GPR39: variants seen among roughly 807,000 people sequenced by gnomAD.
GPR39 encodes the protein G protein-coupled receptor 39, also known as zinc sensing receptor.
Under a neutral mutation model 18.4 loss-of-function variants are expected in GPR39, and 23 were observed. That is an observed-to-expected ratio of 1.25 (90% CI 0.90 to 1.77). The LOEUF (loss-of-function observed/expected upper bound fraction) is 1.77, where lower values mean the gene tolerates loss of function less well. Ranked by LOEUF, GPR39 falls within the 40% of genes most tolerant of loss-of-function variation. The pLI is 0.00. For missense variants in GPR39, 647 were observed against 602.4 expected (o/e 1.07, Z -0.78); for synonymous variants, 280 against 257.9 (o/e 1.09, Z -0.82).
chr2:132,626,763 C>T (rs1480844760), intron 1 of GPR39, among the ~76,000 whole-genome samples: 2 of 152,056 alleles, frequency 1.3e-5, no homozygotes, highest in African/African-American at 4.8e-5. Flanking sequence ...ACAACCTCCC[C>T]GCAGGCCACT....
At chr2:132,619,848 CACACACACAGACACACACACA>C (rs1681404523) in intron 1 of GPR39, among the ~76,000 whole-genome samples, 1 of 141,248 alleles carries the variant, frequency 7.1e-6, no homozygotes, top group African/African-American at 3.0e-5. Flanking sequence ...CACACACACA[CACACACACAGACACACACACA>C]CTCTCCACAC....
At chr2:132,522,628 G>A (rs1440697664) in intron 1 of GPR39, among the ~76,000 whole-genome samples, 1 of 152,176 alleles carries the variant, frequency 6.6e-6, no homozygotes, top group Non-Finnish European at 1.5e-5. Flanking sequence ...CCCAATATGG[G>A]GGACAGCAAG....
At chr2:132,591,623 G>C (rs995721832) in intron 1 of GPR39, among the ~76,000 whole-genome samples, 1 of 152,114 alleles carries the variant, frequency 6.6e-6, no homozygotes, top group South Asian at 2.1e-4. Context: ...TGTCCCTCTA[G>C]AGAACACTGA....
At chr2:132,604,308 G>A (rs1681096760) in intron 1 of GPR39, 1 of 152,144 alleles carries the variant, frequency 6.6e-6, no homozygotes, top group South Asian at 2.1e-4. Flanking sequence ...AAAAAGAAAG[G>A]CAAGTTCTTT....
chr2:132,598,503 T>C (rs1173107771), intron 1 of GPR39, among the ~76,000 whole-genome samples: 1 of 148,678 alleles, frequency 6.7e-6, no homozygotes, highest in Admixed American at 6.9e-5. Flanking sequence ...CCAATTCTAA[T>C]GCTACTCAGG....
rs966737287 is a variant in GPR39, at chr2:132,604,081, C to T, written c.857-41020C>T. Among the ~76,000 whole-genome samples, 3 of 152,294 alleles carry T rather than the reference C, an allele frequency of 2.0e-5. No individual in the cohort carries two copies. The East Asian group carries it at 5.8e-4, about 29-fold the overall frequency. On this transcript the variant is annotated intron_variant, in intron 1 of 1. Coordinates refer to ENST00000329321, the MANE Select transcript of GPR39 (RefSeq NM_001508.3). The stretch of plus-strand genomic sequence containing the variant: ...CCAAGATCCTTTTCCTTAACCGAGA[C>T]ATGCTTGCCCTACTGTGAGTCCCAG...
intron 1 of GPR39, among the ~76,000 whole-genome samples, chr2:132,621,793 C>T (rs1466234296): frequency 1.3e-5 from 2 of 152,140 alleles, no homozygotes; most frequent in Non-Finnish European, 2.9e-5. Flanking sequence ...TATTGCAGGG[C>T]GTGAATTTAT....
At chr2:132,457,317 T>A (rs961019479) in intron 1 of GPR39, among the ~76,000 whole-genome samples, 1 of 152,234 alleles carries the variant, frequency 6.6e-6, no homozygotes, top group Admixed American at 6.5e-5. Flanking sequence ...CGTGCTATGA[T>A]TTTCAGCTCC....
intron 1 of GPR39, among the ~76,000 whole-genome samples, chr2:132,510,113 G>A (rs745705843): frequency 3.9e-5 from 6 of 152,184 alleles, no homozygotes; most frequent in Non-Finnish European, 8.8e-5. Context: ...TGAGATGGTT[G>A]GTCATAACAT....
chr2:132,512,127 A>G (rs10168514), intron 1 of GPR39, among the ~76,000 whole-genome samples: 68,211 of 151,964 alleles, frequency 0.45, 16,039 homozygotes, highest in Non-Finnish European at 0.5. Flanking sequence ...TCTAGGGCTA[A>G]GAGTATAACT....
intron 1 of GPR39, among the ~76,000 whole-genome samples, chr2:132,574,141 C>T (rs572161918): frequency 1.3e-5 from 2 of 152,302 alleles, no homozygotes; most frequent in South Asian, 4.1e-4. Flanking sequence ...ATTTCTCACT[C>T]TTTGGTCATT....
chr2:132,640,376 T>C (rs1681838234), intron 1 of GPR39, among the ~76,000 whole-genome samples: 1 of 152,224 alleles, frequency 6.6e-6, no homozygotes. Flanking sequence ...CATCATCTAA[T>C]GGCTCTTGTC....
chr2:132,537,356 G>A (rs1213394559), intron 1 of GPR39, among the ~76,000 whole-genome samples: 8 of 152,096 alleles, frequency 5.3e-5, no homozygotes, highest in Non-Finnish European at 1.2e-4. Context: ...TGAAATTCTG[G>A]GTTGAAAATT....
At chr2:132,492,814 TACCATATATATACCATATACAC>T (rs1482982008) in intron 1 of GPR39, among the ~76,000 whole-genome samples, 17 of 140,662 alleles carry the variant, frequency 1.2e-4, no homozygotes, top group South Asian at 4.6e-4. Context: ...TATATATACA[TACCATATATATACCATATACAC>T]ACCATATATA....
chr2:132,485,725 T>C (rs1325979812), intron 1 of GPR39, among the ~76,000 whole-genome samples: 1 of 152,188 alleles, frequency 6.6e-6, no homozygotes, highest in Non-Finnish European at 1.5e-5. Flanking sequence ...CACTTCTAAT[T>C]CTAGTTCCCT....
chr2:132,539,004 G>T (rs1217547670), intron 1 of GPR39, among the ~76,000 whole-genome samples: 1 of 152,168 alleles, frequency 6.6e-6, no homozygotes, highest in East Asian at 1.9e-4. Context: ...GGGCTCTGTG[G>T]GAGTGGGACT....
At chr2:132,464,364 C>T (rs930979553) in intron 1 of GPR39, among the ~76,000 whole-genome samples, 2 of 152,288 alleles carry the variant, frequency 1.3e-5, no homozygotes, top group East Asian at 1.9e-4. Context: ...TGGCCTATGA[C>T]GGGCATCTGG....
At chr2:132,642,870 A>G (rs1285135121) in intron 1 of GPR39, among the ~76,000 whole-genome samples, 2 of 102,064 alleles carry the variant, frequency 2.0e-5, no homozygotes, top group Non-Finnish European at 3.8e-5. Flanking sequence ...ATTCAGTGAC[A>G]GGAAAGAGAA....
intron 1 of GPR39, among the ~76,000 whole-genome samples, chr2:132,542,102 T>C (rs1203172061): frequency 2.0e-5 from 3 of 152,078 alleles, no homozygotes; most frequent in South Asian, 2.1e-4. Context: ...CCTAATACCA[T>C]TGAATTGGGG....
Sources: allele counts gnomAD v4.1 joint callset (sites outside exome capture counted in the v4.1 genomes callset), GRCh38; gene constraint gnomAD v4.1.1; transcripts MANE v1.5; gene names NCBI Gene and HGNC (gene_info 2026-07-23, HGNC 2026-07-21).